TAF5L: variants seen among roughly 807,000 people sequenced by gnomAD.
The protein encoded by TAF5L is TATA-box binding protein associated factor 5 like.
Under a neutral mutation model 51.3 loss-of-function variants are expected in TAF5L, and 7 were observed. The ratio of observed to expected loss-of-function variants is 0.14; its 90% CI spans 0.08 to 0.26. TAF5L has a LOEUF of 0.26. TAF5L is among the 10% of genes least tolerant of loss of function. The pLI is 1.00. For missense variants in TAF5L, 575 were observed against 758.9 expected (o/e 0.76, Z 2.85); for synonymous variants, 291 against 308.1 (o/e 0.94, Z 0.58).
chr1:229,595,983 A>G (rs1381142702), intron 4 of TAF5L, among the ~76,000 whole-genome samples: 1 of 152,220 alleles, frequency 6.6e-6, no homozygotes, highest in Admixed American at 6.5e-5. Context: ...AGATTAACAC[A>G]CAACCATTGG....
chr1:229,616,361 T>G (rs548221023), intron 1 of TAF5L, among the ~76,000 whole-genome samples: 1 of 136,810 alleles, frequency 7.3e-6, no homozygotes, highest in East Asian at 2.2e-4. Flanking sequence ...CGGAAGTCTA[T>G]TTATTTATTT....
intron 3 of TAF5L, among the ~76,000 whole-genome samples, chr1:229,607,992 T>C (rs912719536): frequency 1.3e-5 from 2 of 152,196 alleles, no homozygotes; most frequent in Non-Finnish European, 1.5e-5. Flanking sequence ...AAGTAAGAAC[T>C]TAAAGGAAAT....
intron 1 of TAF5L, among the ~76,000 whole-genome samples, chr1:229,623,646 C>T (rs1665307441): frequency 6.6e-6 from 1 of 152,242 alleles, no homozygotes; most frequent in African/African-American, 2.4e-5. Flanking sequence ...GTTTCATACA[C>T]TACCACTACG....
intron 2 of TAF5L, among the ~76,000 whole-genome samples, chr1:229,612,939 C>T (rs1571847460): frequency 6.6e-6 from 1 of 152,146 alleles, no homozygotes; most frequent in African/African-American, 2.4e-5. Flanking sequence ...ACTCCACCTC[C>T]ACACACAGCC....
At chr1:229,612,002 C>CTA (rs1416146802) in intron 2 of TAF5L, among the ~76,000 whole-genome samples, 2 of 152,228 alleles carry the variant, frequency 1.3e-5, no homozygotes, top group African/African-American at 4.8e-5. Context: ...ACAGAACTTA[C>CTA]TACCTCATGC....
intron 1 of TAF5L, among the ~76,000 whole-genome samples, chr1:229,616,165 T>G (rs1664994712): frequency 6.6e-6 from 1 of 151,924 alleles, no homozygotes; most frequent in African/African-American, 2.4e-5. Context: ...AGGCCCACGC[T>G]ACCACACTTG....
At chr1:229,606,692 C>T (rs1571841169) in intron 3 of TAF5L, 2 of 985,390 alleles carry the variant, frequency 2.0e-6, no homozygotes, top group South Asian at 4.7e-5. Flanking sequence ...AGAATTAACA[C>T]TGGGTGTGTG....
chr1:229,595,915 T>C (rs1471388684), intron 4 of TAF5L, among the ~76,000 whole-genome samples: 1 of 152,208 alleles, frequency 6.6e-6, no homozygotes, highest in Non-Finnish European at 1.5e-5. Flanking sequence ...TCCGCCCGCC[T>C]TGGCCTCCCA....
intron 4 of TAF5L, chr1:229,601,724 G>A (rs1558145917): frequency 1.0e-6 from 1 of 1,002,250 alleles, no homozygotes; most frequent in Non-Finnish European, 1.2e-6. Flanking sequence ...GTGCAGGGAT[G>A]CCAGTATTCT....
chr1:229,621,463 A>C (rs1257061145), intron 1 of TAF5L, among the ~76,000 whole-genome samples: 4 of 152,198 alleles, frequency 2.6e-5, no homozygotes, highest in Non-Finnish European at 5.9e-5. Flanking sequence ...AACAATTATA[A>C]ATGGAAGTAT....
intron 4 of TAF5L, chr1:229,600,356 A>T: frequency 1.0e-6 from 1 of 985,400 alleles, no homozygotes; most frequent in Non-Finnish European, 1.2e-6. Flanking sequence ...GTTAGCTAGC[A>T]TCTACAGTAC....
At chr1:229,621,777 G>A (rs1665208902) in intron 1 of TAF5L, among the ~76,000 whole-genome samples, 1 of 151,998 alleles carries the variant, frequency 6.6e-6, no homozygotes, top group African/African-American at 2.4e-5. Flanking sequence ...AATATATAAG[G>A]CAATATATTA....
intron 1 of TAF5L, among the ~76,000 whole-genome samples, chr1:229,617,340 A>C (rs1665043375): frequency 6.6e-6 from 1 of 152,222 alleles, no homozygotes; most frequent in Non-Finnish European, 1.5e-5. Flanking sequence ...TGTGGCCCAA[A>C]GTCAAGACGA....
At chr1:229,606,789 C>T in intron 3 of TAF5L, 2 of 985,424 alleles carry the variant, frequency 2.0e-6, no homozygotes, top group Non-Finnish European at 2.4e-6. Context: ...TGCTTGACTC[C>T]AAAGGCTGTG....
Position 229,594,152 on chromosome 1 carries a change from A to G in TAF5L, c.*145T>C. On this transcript the variant is annotated 3_prime_UTR_variant, in exon 5 of 5. Coordinates refer to ENST00000258281, the Ensembl canonical transcript of TAF5L. The surrounding 1 kb of genome is among the most constrained non-coding windows in gnomAD (Gnocchi z 7.9). ...GCCTTCGACACTGGGGGGCTGAGTG[A>G]AGGGGGACCTGCCCGGAATGAGGGC... The G allele has an allele frequency of 2.1e-6, 2 of 947,304 alleles. No homozygotes were observed. The highest frequency in any genetic ancestry group is 3.1e-6 in the Non-Finnish European group (2 of 642,058). 58.7% of individuals were successfully genotyped at this position (947,304 alleles called of 1,614,324 possible).
In TAF5L at chr1:229,602,033, T is replaced by C. The variant is rs1664395032; in HGVS notation, c.972+162A>G. ...TTGTTTTTGCATCTTAGGTTAGGCA[T>C]GTGCAGGAATTCAATGGCTACAGGT... On this transcript the variant is annotated intron_variant, in intron 4 of 4. Transcript: ENST00000258281. This position sits in a 1 kb window ranked among gnomAD's most constrained non-coding sequence, Gnocchi z 4.6. 3 of 1,461,422 alleles carry C rather than the reference T, an allele frequency of 2.1e-6. No individual in the cohort carries two copies. Among genetic ancestry groups the C allele is most frequent in the South Asian group, 1.5e-5 (1 of 68,002 alleles). 90.5% of individuals were successfully genotyped at this position (1,461,422 alleles called of 1,614,324 possible). A position where few individuals can be genotyped will look rare whatever the true frequency, so the allele number is the denominator to read the frequency against.
At chr1:229,621,693 A>C (rs1307195532) in intron 1 of TAF5L, among the ~76,000 whole-genome samples, 1 of 152,230 alleles carries the variant, frequency 6.6e-6, no homozygotes, top group Non-Finnish European at 1.5e-5. Context: ...TAATTTAAAA[A>C]AAGAGAAACT....
intron 3 of TAF5L, chr1:229,606,215 T>C: frequency 1.0e-6 from 1 of 979,990 alleles, no homozygotes; most frequent in Non-Finnish European, 1.2e-6. Flanking sequence ...ACAAAAAAAC[T>C]GATCAATTTG....
chr1:229,614,542 A>C, intron 1 of TAF5L, 57 bp from the exon 2 acceptor site: 1 of 1,596,014 alleles, frequency 6.3e-7, no homozygotes, highest in East Asian at 2.2e-5. Context: ...AGAGCAACCT[A>C]TCTAACTGCA....
Sources: allele counts gnomAD v4.1 joint callset (sites outside exome capture counted in the v4.1 genomes callset), GRCh38; gene constraint gnomAD v4.1.1; non-coding constraint Gnocchi (gnomAD v3.1); transcripts MANE v1.5; gene names NCBI Gene and HGNC (gene_info 2026-07-23, HGNC 2026-07-21).